SSH2: variants seen among roughly 807,000 people sequenced by gnomAD.
SSH2 encodes slingshot protein phosphatase 2.
In SSH2, 37 loss-of-function variants were observed where a neutral mutation model predicts 135.2. The observed-to-expected ratio is 0.27, with a 90% confidence interval of 0.21 to 0.36. SSH2 has a LOEUF of 0.36. Among genes scored for constraint, SSH2 ranks in the 10% least tolerant of loss-of-function variants. SSH2 has a pLI of 1.00. For missense variants in SSH2, 1,408 were observed against 1,765.3 expected, an observed-to-expected ratio of 0.80 and a Z score of 3.63; for synonymous variants, 628 against 646.2, an observed-to-expected ratio of 0.97 and a Z score of 0.43.
intron 2 of SSH2, among the ~76,000 whole-genome samples, chr17:29,796,950 C>T (rs1185056269): frequency 4.0e-5 from 6 of 151,742 alleles, no homozygotes; most frequent in Non-Finnish European, 7.4e-5. Flanking sequence ...GTAGCTAGGA[C>T]TACAGATGCA....
intron 2 of SSH2, among the ~76,000 whole-genome samples, chr17:29,824,385 A>G (rs2042707431): frequency 6.6e-6 from 1 of 152,188 alleles, no homozygotes; most frequent in South Asian, 2.1e-4. Context: ...GGTTCATCAC[A>G]TACATCCCCA....
At chr17:29,915,051 G>C (rs1054628079) in intron 1 of SSH2, among the ~76,000 whole-genome samples, 1 of 152,132 alleles carries the variant, frequency 6.6e-6, no homozygotes, top group African/African-American at 2.4e-5. Context: ...AGTTGTGAAA[G>C]TTTCAGTTTG....
At chr17:29,766,097 TCA>T (rs2041442478) in intron 3 of SSH2, among the ~76,000 whole-genome samples, 1 of 47,662 alleles carries the variant, frequency 2.1e-5, no homozygotes, top group Non-Finnish European at 5.5e-5. Context: ...ATTATTATTA[TCA>T]TCATCATCAT....
intron 11 of SSH2, among the ~76,000 whole-genome samples, chr17:29,656,351 A>G (rs2036779616): frequency 6.6e-6 from 1 of 151,746 alleles, no homozygotes; most frequent in South Asian, 2.1e-4. Context: ...TGATTTTTGT[A>G]TTTTTTAGTA....
At chr17:29,768,868 TA>T (rs894927884) in intron 3 of SSH2, among the ~76,000 whole-genome samples, 12 of 151,974 alleles carry the variant, frequency 7.9e-5, no homozygotes, top group African/African-American at 2.7e-4. Context: ...GTTTTGAAAA[TA>T]AAATAACTGA....
chr17:29,768,823 A>G (rs2059212268), intron 3 of SSH2, among the ~76,000 whole-genome samples: 1 of 152,136 alleles, frequency 6.6e-6, no homozygotes, highest in African/African-American at 2.4e-5. Context: ...TGATTTTGGG[A>G]GTAACAAAGA....
At chr17:29,766,423 A>G in intron 3 of SSH2, among the ~76,000 whole-genome samples, 1 of 152,020 alleles carries the variant, frequency 6.6e-6, no homozygotes, top group South Asian at 2.1e-4. Context: ...GCGCCACTGC[A>G]CTCTAGTCGG....
intron 9 of SSH2, among the ~76,000 whole-genome samples, chr17:29,671,723 C>T (rs1030241543): frequency 6.6e-6 from 1 of 152,182 alleles, no homozygotes. Flanking sequence ...TATGGAGACT[C>T]TATTGTGCCT....
chr17:29,848,966 G>A (rs368706438), intron 1 of SSH2, 37 bp from the exon 2 acceptor site: 7 of 1,409,936 alleles, frequency 5.0e-6, no homozygotes, highest in Non-Finnish European at 5.8e-6. Context: ...AGATCCAAAC[G>A]AATGGGCCCA....
intron 3 of SSH2, among the ~76,000 whole-genome samples, chr17:29,772,569 T>G (rs959493016): frequency 6.6e-6 from 1 of 152,202 alleles, no homozygotes; most frequent in Admixed American, 6.5e-5. Flanking sequence ...GTATTACTTC[T>G]GGGTTTGTCT....
intron 3 of SSH2, among the ~76,000 whole-genome samples, chr17:29,746,137 G>A (rs2040751835): frequency 6.6e-6 from 1 of 152,134 alleles, no homozygotes; most frequent in African/African-American, 2.4e-5. Flanking sequence ...AAGAGGTTCA[G>A]TTTTATTTGT....
chr17:29,741,717 G>T (rs2040562364), intron 3 of SSH2, among the ~76,000 whole-genome samples: 1 of 147,542 alleles, frequency 6.8e-6, no homozygotes, highest in Non-Finnish European at 1.5e-5. Context: ...CCAGTTTCAA[G>T]CTATTCTCCT....
At chr17:29,923,888 A>G (rs928643426) in intron 1 of SSH2, among the ~76,000 whole-genome samples, 1 of 152,192 alleles carries the variant, frequency 6.6e-6, no homozygotes, top group Non-Finnish European at 1.5e-5. Flanking sequence ...TCTGGGCAAC[A>G]GACTGAGACT....
intron 5 of SSH2, among the ~76,000 whole-genome samples, chr17:29,690,143 C>T (rs1171827387): frequency 6.6e-6 from 1 of 152,086 alleles, no homozygotes; most frequent in Non-Finnish European, 1.5e-5. Context: ...GTGGCTCACG[C>T]CTATAATCCC....
chr17:29,638,756 A>G (rs1032470561), intron 14 of SSH2, among the ~76,000 whole-genome samples: 4 of 151,874 alleles, frequency 2.6e-5, no homozygotes, highest in African/African-American at 9.7e-5. Flanking sequence ...GGGTCTCACT[A>G]TGTTGCCCAG....
rs1221777731 is a variant in SSH2 at position 29,853,142 on chromosome 17, A to G, written c.64-4213T>C. Among the ~76,000 whole-genome samples the G allele has an allele frequency of 3.6e-5, 5 of 139,582 alleles. No homozygotes were observed. The Admixed American group carries it at 3.9e-4, about 11-fold the overall frequency. The allele number at this position is 139,582 out of a possible 152,430, so 91.6% of individuals were successfully genotyped here. A position where few individuals can be genotyped will look rare whatever the true frequency, so the allele number is the denominator to read the frequency against. ...CTCTCTGTTGCCCAGGCGGGAGTGCAGTGGCGCGATCTCTGCTCACTGCAG... is the reference window on the plus strand; with the variant it reads ...CTCTCTGTTGCCCAGGCGGGAGTGCGGTGGCGCGATCTCTGCTCACTGCAG... On this transcript the variant is annotated intron_variant, in intron 1 of 15. Transcript: ENST00000540801.
chr17:29,820,354 T>C (rs141256437), intron 2 of SSH2, among the ~76,000 whole-genome samples: 2 of 152,346 alleles, frequency 1.3e-5, no homozygotes, highest in Non-Finnish European at 1.5e-5. Context: ...TCTAAGATTC[T>C]GCAAAATTAA....
intron 2 of SSH2, among the ~76,000 whole-genome samples, chr17:29,805,837 C>T (rs145234876): frequency 7.5e-5 from 11 of 147,264 alleles, no homozygotes; most frequent in Non-Finnish European, 1.3e-4. Context: ...CCAAGGAGAG[C>T]AGTATGATCA....
chr17:29,825,270 T>G (rs997595297), intron 2 of SSH2, among the ~76,000 whole-genome samples: 1 of 152,190 alleles, frequency 6.6e-6, no homozygotes, highest in African/African-American at 2.4e-5. Flanking sequence ...GAAATTAAAG[T>G]ACCCAAAGGT....
Sources: gnomAD v4.1 joint callset for allele counts (sites outside exome capture counted in the v4.1 genomes callset) on GRCh38, gnomAD v4.1.1 for gene constraint, MANE v1.5 for transcripts, NCBI Gene and HGNC (gene_info 2026-07-23, HGNC 2026-07-21) for gene names.